The following SULF1 variants were observed in gnomAD, a reference collection of about 807,000 sequenced individuals.
The protein encoded by SULF1 is extracellular sulfatase Sulf-1.
Under a neutral mutation model 110.5 loss-of-function variants are expected in SULF1, and 46 were observed. The ratio of observed to expected loss-of-function variants is 0.42; its 90% CI spans 0.33 to 0.53. The LOEUF is 0.53. SULF1 is among the 20% of genes least tolerant of loss of function. The pLI is 0.12. For missense variants in SULF1, 941 were observed against 1,094.2 expected (o/e 0.86, Z 1.98); for synonymous variants, 371 against 387.1 (o/e 0.96, Z 0.49).
chr8:69,509,203 A>G (rs1811396947), intron 3 of SULF1, among the ~76,000 whole-genome samples: 1 of 152,222 alleles, frequency 6.6e-6, no homozygotes, highest in African/African-American at 2.4e-5. Context: ...ATTAGTTCCC[A>G]TCATAACTGT....
rs140536861 is a variant in SULF1 at position 69,630,963 on chromosome 8, C to G, written c.2284+1284C>G. On this transcript the variant is annotated intron_variant, in intron 19 of 22. Coordinates refer to ENST00000402687, the MANE Select transcript of SULF1 (RefSeq NM_001128205.2). ...AGGTATATCTCCTAATGCTATCCCTCCCCCCTGCCCCCACCCTGCAACAGT... is the reference window on the plus strand; with the variant it reads ...AGGTATATCTCCTAATGCTATCCCTGCCCCCTGCCCCCACCCTGCAACAGT... Among the ~76,000 whole-genome samples, 2,092 of 147,184 alleles carry G rather than the reference C, an allele frequency of 0.014. 83 individuals carry two copies. In the East Asian group the frequency reaches 0.15, roughly 11 times the overall value.
At chr8:69,627,116 G>A in intron 15 of SULF1, 94 bp from the exon 16 acceptor site, 1 of 930,744 alleles carries the variant, frequency 1.1e-6, no homozygotes, top group Non-Finnish European at 1.7e-6. Flanking sequence ...TCAACATTAA[G>A]GATTTTGAGG....
chr8:69,599,792 T>C (rs1361576072), intron 8 of SULF1, among the ~76,000 whole-genome samples: 1 of 152,156 alleles, frequency 6.6e-6, no homozygotes, highest in Non-Finnish European at 1.5e-5. Context: ...CAGCATCTAA[T>C]GGTTGAGGGA....
At chr8:69,596,988 A>G (rs1807391999) in intron 8 of SULF1, 3 of 152,224 alleles carry the variant, frequency 2.0e-5, no homozygotes, top group Admixed American at 2.0e-4. Context: ...ATCACATAAT[A>G]TTAAGGAACA....
At chr8:69,604,696 A>G (rs572987735) in intron 12 of SULF1, 107 bp from the exon 13 acceptor site, 3 of 1,420,494 alleles carry the variant, frequency 2.1e-6, no homozygotes, top group Non-Finnish European at 1.9e-6. Context: ...CTTGCTGTTT[A>G]AAGAATGTGG....
intron 2 of SULF1, among the ~76,000 whole-genome samples, chr8:69,496,844 A>C (rs922615362): frequency 3.3e-5 from 5 of 152,200 alleles, no homozygotes; most frequent in African/African-American, 1.2e-4. Context: ...GCAGCTGTGA[A>C]GTTCCCCAGA....
At chr8:69,620,297 G>C (rs1809501462) in intron 13 of SULF1, among the ~76,000 whole-genome samples, 1 of 152,106 alleles carries the variant, frequency 6.6e-6, no homozygotes, top group Admixed American at 6.5e-5. Flanking sequence ...GGTTTATATG[G>C]GCACAGGATA....
intron 3 of SULF1, among the ~76,000 whole-genome samples, chr8:69,550,629 C>T (rs1236653078): frequency 2.6e-5 from 4 of 152,236 alleles, no homozygotes; most frequent in African/African-American, 4.8e-5. Flanking sequence ...TGAACCCTTT[C>T]GGTTGTGCCC....
chr8:69,654,645 C>G (rs1317630765), intron 22 of SULF1, among the ~76,000 whole-genome samples: 1 of 152,222 alleles, frequency 6.6e-6, no homozygotes, highest in African/African-American at 2.4e-5. Context: ...AAGTGCTGTG[C>G]AGAAGACTTG....
In SULF1 at chr8:69,523,846, G is replaced by A. The variant is rs148864761; in HGVS notation, c.-134+21878G>A. Among the ~76,000 whole-genome samples the A allele has an allele frequency of 7.6e-3, 1,149 of 152,102 alleles. 5 individuals are homozygous for A. Among genetic ancestry groups the A allele is most frequent in the Non-Finnish European group, 0.013 (891 of 67,998 alleles). On this transcript the variant is annotated intron_variant, in intron 3 of 22. Coordinates refer to ENST00000402687, the MANE Select transcript of SULF1 (RefSeq NM_001128205.2). ...ATGCATGGAACCAAGATGATGGAGC[G>A]GGCAGTTACCAGTACTCATAAGGGC...
At chr8:69,528,716 A>G (rs1451588659) in intron 3 of SULF1, among the ~76,000 whole-genome samples, 1 of 152,228 alleles carries the variant, frequency 6.6e-6, no homozygotes, top group Non-Finnish European at 1.5e-5. Context: ...CATTTAAGCC[A>G]TTAGTCCTGA....
chr8:69,469,868 C>A (rs901120403), intron 1 of SULF1, among the ~76,000 whole-genome samples: 6 of 152,164 alleles, frequency 3.9e-5, no homozygotes, highest in African/African-American at 1.2e-4. Flanking sequence ...ATGGTGAAAC[C>A]CCAAGTCTAC....
chr8:69,545,085 CTTT>C (rs56914726), intron 3 of SULF1, among the ~76,000 whole-genome samples: 1 of 134,930 alleles, frequency 7.4e-6, no homozygotes, highest in Admixed American at 7.5e-5. Context: ...TAAAGGAATT[CTTT>C]TTTTTTTTTT....
At chr8:69,652,340 G>A (rs1239834215) in intron 22 of SULF1, among the ~76,000 whole-genome samples, 2 of 152,200 alleles carry the variant, frequency 1.3e-5, no homozygotes, top group African/African-American at 2.4e-5. Flanking sequence ...TTTGCCGGGT[G>A]GAGTCCACTA....
intron 2 of SULF1, among the ~76,000 whole-genome samples, chr8:69,499,443 A>G (rs1036522869): frequency 3.9e-5 from 6 of 152,342 alleles, no homozygotes; most frequent in African/African-American, 1.4e-4. Flanking sequence ...CATTTTAACA[A>G]AAGGAATTTC....
At chr8:69,577,213 A>C (rs536626382) in intron 6 of SULF1, among the ~76,000 whole-genome samples, 1 of 152,350 alleles carries the variant, frequency 6.6e-6, no homozygotes, top group South Asian at 2.1e-4. Context: ...GGTTACGTAG[A>C]GGTTACAGAG....
At chr8:69,607,776 G>T (rs1005624995) in intron 13 of SULF1, among the ~76,000 whole-genome samples, 1 of 152,186 alleles carries the variant, frequency 6.6e-6, no homozygotes, top group Non-Finnish European at 1.5e-5. Flanking sequence ...AAAAAAGGAA[G>T]AAGAAAATTC....
At chr8:69,558,514 G>A (rs766083254) in intron 3 of SULF1, among the ~76,000 whole-genome samples, 155 of 152,162 alleles carry the variant, frequency 1.0e-3, no homozygotes, top group Non-Finnish European at 1.8e-3. Context: ...AGATGCATGG[G>A]CATTCATTTG....
At chr8:69,500,666 C>A (rs1428281861) in intron 2 of SULF1, among the ~76,000 whole-genome samples, 1 of 152,170 alleles carries the variant, frequency 6.6e-6, no homozygotes, top group Non-Finnish European at 1.5e-5. Context: ...GTGATATCAG[C>A]ACCATGGAGA....
Sources: allele counts gnomAD v4.1 joint callset (sites outside exome capture counted in the v4.1 genomes callset), GRCh38; gene constraint gnomAD v4.1.1; transcripts MANE v1.5; gene names NCBI Gene and HGNC (gene_info 2026-07-23, HGNC 2026-07-21).